Variants in PTPRG observed in about 807,000 individuals in gnomAD.
PTPRG encodes protein tyrosine phosphatase receptor type G.
A neutral mutation model predicts 165.3 loss-of-function variants in PTPRG; 102 were observed. The ratio of observed to expected loss-of-function variants is 0.62; its 90% CI spans 0.53 to 0.73. The LOEUF (loss-of-function observed/expected upper bound fraction) is 0.73. Ranked by LOEUF, PTPRG falls within the 30% of genes least tolerant of loss-of-function variation. The probability of loss-of-function intolerance (pLI) is 0.00; values close to 1 mark genes in which losing one functional copy is unlikely to be tolerated. For missense variants in PTPRG, 1,866 were observed against 1,861.4 expected (o/e 1.00, Z -0.05); for synonymous variants, 675 against 669.5 (o/e 1.01, Z -0.13).
At chr3:61,780,379 T>C (rs1460656236) in intron 2 of PTPRG, among the ~76,000 whole-genome samples, 4 of 152,194 alleles carry the variant, frequency 2.6e-5, no homozygotes, top group African/African-American at 9.6e-5. Flanking sequence ...TGAAGCATTA[T>C]GAGTTTCCTG....
chr3:61,569,855 C>T lies in PTPRG; in HGVS notation c.85+7483C>T, dbSNP rs917559562. Among the ~76,000 whole-genome samples, 3 of 152,156 alleles carry T rather than the reference C, an allele frequency of 2.0e-5. No homozygotes were observed. In the East Asian group the frequency reaches 5.8e-4, roughly 29 times the overall value. ...TTGAGGTTTAAATAAATGAGAAAGTCCTCATGAAGTCTGAGATATCACCTT... is the reference window on the plus strand; with the variant it reads ...TTGAGGTTTAAATAAATGAGAAAGTTCTCATGAAGTCTGAGATATCACCTT... On this transcript the variant is annotated intron_variant, in intron 1 of 29. Transcript: ENST00000474889.
chr3:62,270,330 C>A (rs1487569329), intron 20 of PTPRG, among the ~76,000 whole-genome samples: 1 of 152,074 alleles, frequency 6.6e-6, no homozygotes, highest in Non-Finnish European at 1.5e-5. Context: ...CCCAGGTTAA[C>A]TATCCTTTCT....
intron 1 of PTPRG, chr3:61,742,553 C>G: frequency 6.3e-7 from 1 of 1,594,054 alleles, no homozygotes; most frequent in Non-Finnish European, 8.5e-7. Flanking sequence ...AAGTTGACAG[C>G]CAGGTGAATG....
rs148494093 is a variant in PTPRG, at chr3:61,706,891, C to G, written c.86-41987C>G. 6.9e-3 allele frequency among the ~76,000 whole-genome samples: 1,058 copies of G among 152,266 alleles called. 8 individuals carry two copies. Among genetic ancestry groups the G allele is most frequent in the Middle Eastern group, 0.034 (10 of 294 alleles). On this transcript the variant is annotated intron_variant, in intron 1 of 29. Transcript: ENST00000474889. ...ATGAAACATGCTTAACCTACCCCTC[C>G]TAGTTCCAGTTTCCTCTCAGAGATA...
chr3:62,287,280 T>TA (rs1702701058), intron 28 of PTPRG, among the ~76,000 whole-genome samples: 1 of 152,148 alleles, frequency 6.6e-6, no homozygotes, highest in African/African-American at 2.4e-5. Context: ...GACTTTTTTT[T>TA]AATACCATGC....
intron 2 of PTPRG, among the ~76,000 whole-genome samples, chr3:61,949,206 A>T (rs939837003): frequency 6.6e-6 from 1 of 152,202 alleles, no homozygotes; most frequent in Non-Finnish European, 1.5e-5. Flanking sequence ...CAACCAAACA[A>T]AAAAACCAGG....
intron 2 of PTPRG, among the ~76,000 whole-genome samples, chr3:61,972,231 A>T (rs1250027738): frequency 6.6e-6 from 1 of 152,104 alleles, no homozygotes; most frequent in African/African-American, 2.4e-5. Context: ...AATGCTGATC[A>T]TGTTCAAAGG....
chr3:61,940,917 G>C (rs1229396297), intron 2 of PTPRG, among the ~76,000 whole-genome samples: 1 of 152,028 alleles, frequency 6.6e-6, no homozygotes, highest in Non-Finnish European at 1.5e-5. Context: ...GCCCGCCTCG[G>C]CCTCCCAAAG....
intron 2 of PTPRG, among the ~76,000 whole-genome samples, chr3:61,789,263 C>G (rs2107119475): frequency 1.3e-5 from 2 of 152,170 alleles, no homozygotes; most frequent in South Asian, 4.1e-4. Flanking sequence ...CAATGCCTGG[C>G]TCATTTTTTA....
intron 5 of PTPRG, among the ~76,000 whole-genome samples, chr3:62,109,704 G>C (rs1347905085): frequency 6.6e-6 from 1 of 152,146 alleles, no homozygotes; most frequent in African/African-American, 2.4e-5. Flanking sequence ...GTAGGCAGCT[G>C]ATCAGCAAGA....
chr3:62,189,087 CTTTG>C (rs1191538730), intron 8 of PTPRG, among the ~76,000 whole-genome samples: 2 of 152,122 alleles, frequency 1.3e-5, no homozygotes, highest in Non-Finnish European at 2.9e-5. Flanking sequence ...CCTTCAGATT[CTTTG>C]TTTGATGTCC....
At chr3:61,591,265 AGCCCTC>A (rs1368829208) in intron 1 of PTPRG, among the ~76,000 whole-genome samples, 2 of 152,202 alleles carry the variant, frequency 1.3e-5, no homozygotes, top group African/African-American at 4.8e-5. Flanking sequence ...GGTCTTGGCT[AGCCCTC>A]CCCTTCTTAT....
At position 61,743,117 on chromosome 3, in the gene PTPRG, G is replaced by A. The variant is rs546138615; in HGVS notation, c.86-5761G>A. 1.2e-5 allele frequency: 16 copies of A among 1,383,772 alleles called. No individual in the cohort carries two copies. In the Admixed American group the frequency reaches 1.7e-4, roughly 15 times the overall value. 85.7% of individuals were successfully genotyped at this position (1,383,772 alleles called of 1,614,324 possible). On this transcript the variant is annotated intron_variant, in intron 1 of 29. Coordinates refer to ENST00000474889, the MANE Select transcript of PTPRG (RefSeq NM_002841.4). ...GAGACTGCTGCTCATGGCTTCTCAC[G>A]CCGCGCTAACCGGAAAAGAGCGGGT...
intron 1 of PTPRG, among the ~76,000 whole-genome samples, chr3:61,578,428 A>G (rs1220341522): frequency 6.6e-6 from 1 of 152,198 alleles, no homozygotes; most frequent in Non-Finnish European, 1.5e-5. Flanking sequence ...GGGTATTACC[A>G]GTGGTCCAGG....
chr3:62,000,066 G>T (rs1209003182), intron 3 of PTPRG, among the ~76,000 whole-genome samples: 1 of 152,028 alleles, frequency 6.6e-6, no homozygotes, highest in Admixed American at 6.5e-5. Context: ...ACTTTGGGAG[G>T]CCAAGGTGGG....
At chr3:61,603,322 T>A (rs1700916288) in intron 1 of PTPRG, among the ~76,000 whole-genome samples, 2 of 152,154 alleles carry the variant, frequency 1.3e-5, no homozygotes, top group African/African-American at 4.8e-5. Context: ...TGTGGTTTGG[T>A]GCTGTCTATG....
rs185925954 is a variant in PTPRG at position 62,168,814 on chromosome 3, C to T, written c.1033+651C>T. On this transcript the variant is annotated intron_variant, in intron 8 of 29. Transcript: ENST00000474889. ...TAACCAGCTCAGTGACCTCTTGGTA[C>T]CCAGGTCCTTGTCTGGCGTCCAGGA... is the stretch of plus-strand genomic sequence containing the variant. Among the ~76,000 whole-genome samples the T allele has an allele frequency of 3.0e-3, 450 of 152,272 alleles. 1 individual carries two copies. In the Middle Eastern group the frequency reaches 0.065, roughly 22 times the overall value.
intron 1 of PTPRG, among the ~76,000 whole-genome samples, chr3:61,592,060 G>A (rs1414678494): frequency 6.6e-6 from 1 of 151,408 alleles, no homozygotes; most frequent in Non-Finnish European, 1.5e-5. Context: ...CGCAGCCTCC[G>A]CCTCCTGGGT....
At chr3:62,257,898 A>G (rs1701579114) in intron 16 of PTPRG, among the ~76,000 whole-genome samples, 2 of 152,128 alleles carry the variant, frequency 1.3e-5, no homozygotes, top group Admixed American at 1.3e-4. Flanking sequence ...CAGGATATTG[A>G]GGCTGCAGTG....
Sources: gnomAD v4.1 joint callset for allele counts (sites outside exome capture counted in the v4.1 genomes callset) on GRCh38, gnomAD v4.1.1 for gene constraint, MANE v1.5 for transcripts, NCBI Gene and HGNC (gene_info 2026-07-23, HGNC 2026-07-21) for gene names.